The following CADM2 variants were observed in gnomAD, a reference collection of about 807,000 sequenced individuals.
CADM2 encodes the protein immunoglobulin superfamily member 4D.
Under a neutral mutation model 49.8 loss-of-function variants are expected in CADM2, and 12 were observed. The observed-to-expected ratio is 0.24, with a 90% confidence interval of 0.15 to 0.39. The LOEUF (loss-of-function observed/expected upper bound fraction) is 0.39. Ranked by LOEUF, CADM2 falls within the 10% of genes least tolerant of loss-of-function variation. The probability of loss-of-function intolerance (pLI) is 1.00; values close to 1 mark genes in which losing one functional copy is unlikely to be tolerated. For synonymous variants in CADM2, 214 were observed against 175.4 expected (o/e 1.22, Z -1.74); for missense variants, 378 against 492.3 (o/e 0.77, Z 2.20).
chr3:85,810,830 A>G (rs1372970082), intron 3 of CADM2, among the ~76,000 whole-genome samples: 1 of 152,076 alleles, frequency 6.6e-6, no homozygotes, highest in African/African-American at 2.4e-5. Flanking sequence ...GTGAACCACC[A>G]TGCCTGGCCT....
intron 1 of CADM2, among the ~76,000 whole-genome samples, chr3:85,014,085 G>T (rs114900723): frequency 7.2e-6 from 1 of 138,668 alleles, no homozygotes; most frequent in Admixed American, 7.7e-5. Flanking sequence ...TTATATATAC[G>T]CAGTGTAAAA....
At chr3:85,026,088 A>C (rs906175086) in intron 1 of CADM2, among the ~76,000 whole-genome samples, 1 of 152,204 alleles carries the variant, frequency 6.6e-6, no homozygotes, top group Admixed American at 6.5e-5. Context: ...TTTTAAGTCA[A>C]ACTCAAGACT....
At chr3:85,533,270 A>G (rs949703114) in intron 1 of CADM2, among the ~76,000 whole-genome samples, 7 of 152,202 alleles carry the variant, frequency 4.6e-5, no homozygotes, top group South Asian at 4.1e-4. Context: ...AGCAAATTAT[A>G]TATGTTCTGT....
chr3:85,477,399 A>AAT (rs1553728076), intron 1 of CADM2, among the ~76,000 whole-genome samples: 30,594 of 151,492 alleles, frequency 0.2, 3,832 homozygotes, highest in Middle Eastern at 0.33. Context: ...ATGAAAAAAA[A>AAT]ATGTTAAAAT....
At chr3:86,033,294 C>T (rs941781762) in intron 8 of CADM2, among the ~76,000 whole-genome samples, 9 of 152,104 alleles carry the variant, frequency 5.9e-5, no homozygotes, top group African/African-American at 1.9e-4. Context: ...GATATGTACA[C>T]ATGCATCACA....
intron 1 of CADM2, among the ~76,000 whole-genome samples, chr3:84,984,380 A>C (rs970585699): frequency 1.5e-5 from 2 of 135,086 alleles, no homozygotes; most frequent in South Asian, 2.4e-4. Context: ...AAAAAAAAAA[A>C]AAAAACACTT....
chr3:85,928,316 G>T (rs553930209), intron 6 of CADM2, among the ~76,000 whole-genome samples: 301 of 152,072 alleles, frequency 2.0e-3, no homozygotes, highest in Middle Eastern at 6.8e-3. Context: ...ATGCCATCAT[G>T]CCCAGCTAAT....
At chr3:85,198,746 T>G (rs1443251780) in intron 1 of CADM2, among the ~76,000 whole-genome samples, 1 of 151,928 alleles carries the variant, frequency 6.6e-6, no homozygotes. Context: ...AATAGCATAA[T>G]TGGTGTTAAG....
intron 1 of CADM2, among the ~76,000 whole-genome samples, chr3:84,991,969 G>C (rs1413765920): frequency 3.9e-5 from 6 of 152,164 alleles, no homozygotes; most frequent in Admixed American, 6.5e-5. Flanking sequence ...ACAGTAAAAA[G>C]TTCCCTGGTT....
At chr3:85,299,193 C>A (rs1380130196) in intron 1 of CADM2, among the ~76,000 whole-genome samples, 2 of 152,046 alleles carry the variant, frequency 1.3e-5, no homozygotes, top group African/African-American at 4.8e-5. Context: ...AGAAATTTTA[C>A]ATTTATTTAC....
chr3:85,693,566 C>CAAAAAAAAAAAAAAAAAA (rs562723713), intron 1 of CADM2, among the ~76,000 whole-genome samples: 2 of 76,124 alleles, frequency 2.6e-5, no homozygotes, highest in African/African-American at 5.5e-5. Context: ...GGCGAAAGAG[C>CAAAAAAAAAAAAAAAAAA]AAAAAAAAAA....
At chr3:85,034,752 A>ATT (rs2035135465) in intron 1 of CADM2, among the ~76,000 whole-genome samples, 1 of 121,586 alleles carries the variant, frequency 8.2e-6, no homozygotes, top group Non-Finnish European at 1.7e-5. Flanking sequence ...ACTTGCCAGG[A>ATT]TTTATTATTG....
At chr3:85,363,801 C>A (rs1196425284) in intron 1 of CADM2, among the ~76,000 whole-genome samples, 1 of 150,504 alleles carries the variant, frequency 6.6e-6, no homozygotes, top group Non-Finnish European at 1.5e-5. Flanking sequence ...TCAGTAGAGA[C>A]GATGTTTCAC....
chr3:85,991,049 G>T (rs1001499973), intron 8 of CADM2, among the ~76,000 whole-genome samples: 5 of 152,130 alleles, frequency 3.3e-5, no homozygotes, highest in Non-Finnish European at 7.4e-5. Flanking sequence ...GATAAACCCT[G>T]GTGGGAAAGA....
chr3:85,931,692 G>T (rs1720621664), intron 6 of CADM2, among the ~76,000 whole-genome samples: 1 of 152,070 alleles, frequency 6.6e-6, no homozygotes, highest in African/African-American at 2.4e-5. Context: ...AATAAGCAAG[G>T]AATCTCTCCA....
intron 1 of CADM2, among the ~76,000 whole-genome samples, chr3:85,112,767 C>T (rs923222743): frequency 4.6e-5 from 7 of 151,518 alleles, no homozygotes; most frequent in Non-Finnish European, 7.4e-5. Context: ...ACAACATTAA[C>T]GTTAGACTTT....
chr3:85,251,630 A>C (rs1323282272), intron 1 of CADM2, among the ~76,000 whole-genome samples: 1 of 151,960 alleles, frequency 6.6e-6, no homozygotes, highest in African/African-American at 2.4e-5. Context: ...CTGAATTTTC[A>C]TTCTTTCTTT....
At chr3:85,990,032 AAAAAAAAAAAAAG>A (rs1728582735) in intron 8 of CADM2, among the ~76,000 whole-genome samples, 1 of 148,164 alleles carries the variant, frequency 6.7e-6, no homozygotes, top group African/African-American at 2.5e-5. Context: ...AAAAAAAAAA[AAAAAAAAAAAAAG>A]AAGACTAATA....
At chr3:85,489,349 A>T (rs943500324) in intron 1 of CADM2, among the ~76,000 whole-genome samples, 10 of 152,324 alleles carry the variant, frequency 6.6e-5, no homozygotes, top group Admixed American at 3.3e-4. Context: ...GATTTATATT[A>T]CACTGTATCT....
Sources: gnomAD v4.1 joint callset for allele counts (sites outside exome capture counted in the v4.1 genomes callset) on GRCh38, gnomAD v4.1.1 for gene constraint, MANE v1.5 for transcripts, NCBI Gene and HGNC (gene_info 2026-07-23, HGNC 2026-07-21) for gene names.